Variants in PRRG1 observed in about 807,000 individuals in gnomAD.
PRRG1 encodes transmembrane gamma-carboxyglutamic acid protein 1.
A neutral mutation model predicts 11.8 loss-of-function variants in PRRG1; 5 were observed. That is an observed-to-expected ratio of 0.42 (90% confidence interval 0.22 to 0.89). The LOEUF (loss-of-function observed/expected upper bound fraction) is 0.89, where lower values mean the gene tolerates loss of function less well. Ranked by LOEUF, PRRG1 falls within the 40% of genes least tolerant of loss-of-function variation. The pLI is 0.28. For synonymous variants in PRRG1, 66 were observed against 60.4 expected (o/e 1.09, Z -0.43); for missense variants, 155 against 166.1 (o/e 0.93, Z 0.37).
chrX:37,398,590 G>T (rs1556379038), intron 1 of PRRG1, among the ~76,000 whole-genome samples: 2 of 112,506 alleles, frequency 1.8e-5, no homozygotes, highest in South Asian at 3.7e-4. Flanking sequence ...TCCTCCAAAG[G>T]AACGCAGTTC....
chrX:37,361,984 T>C (rs1279601729), intron 1 of PRRG1, among the ~76,000 whole-genome samples: 1 of 112,158 alleles, frequency 8.9e-6, no homozygotes, highest in African/African-American at 3.2e-5. Context: ...GTATTAGTAT[T>C]ACCTATGGGA....
At chrX:37,403,568 A>C (rs1358522291) in intron 1 of PRRG1, among the ~76,000 whole-genome samples, 1 of 107,357 alleles carries the variant, frequency 9.3e-6, no homozygotes, top group Non-Finnish European at 1.9e-5. Flanking sequence ...AGCATGGCAC[A>C]TGTATACATA....
intron 2 of PRRG1, among the ~76,000 whole-genome samples, chrX:37,408,504 G>A (rs782136409): frequency 2.7e-5 from 3 of 111,031 alleles, no homozygotes; most frequent in Non-Finnish European, 5.7e-5. Flanking sequence ...TGTGGGGGTG[G>A]CCATGTTGCC....
In PRRG1 at chrX:37,401,271, A is replaced by G. The variant is rs1931965988; in HGVS notation, c.-41-4938A>G. Among the ~76,000 whole-genome samples the G allele has an allele frequency of 3.6e-5, 4 of 111,145 alleles. No individual in the cohort carries two copies. The South Asian group carries it at 1.6e-3, about 43-fold the overall frequency. On this transcript the variant is annotated intron_variant, in intron 1 of 3. Transcript: ENST00000378628. ...GCAAACCAAATCCAGCAGCACATCA[A>G]AAAGCTTTTCCACCATGATCAAGTG... is the stretch of plus-strand genomic sequence containing the variant.
intron 1 of PRRG1, among the ~76,000 whole-genome samples, chrX:37,398,711 A>G (rs894730544): frequency 2.7e-5 from 3 of 112,043 alleles, no homozygotes; most frequent in Admixed American, 9.5e-5. Flanking sequence ...CAAACCAAAG[A>G]CAAAGAAGTT....
rs186866566 is a variant in PRRG1 at position 37,456,526 on chromosome X, C to T, written c.*2905C>T. 2 of 112,247 alleles carry T rather than the reference C, an allele frequency of 1.8e-5. No homozygotes were observed. The highest frequency in any genetic ancestry group is 6.5e-5 in the African/African-American group (2 of 30,927). The allele number at this position is 112,247 out of a possible 1,213,427, so 9.3% of individuals were successfully genotyped here. A position where few individuals can be genotyped will look rare whatever the true frequency, so the allele number is the denominator to read the frequency against. On this transcript the variant is annotated 3_prime_UTR_variant, in exon 4 of 4. Transcript: ENST00000378628. ...AGTAATAGCTCTATCAGCCACAGAT[C>T]TCATGGTGGCTGTTGCATGATAATG...
intron 2 of PRRG1, among the ~76,000 whole-genome samples, chrX:37,418,771 T>A (rs986719632): frequency 9.0e-6 from 1 of 111,500 alleles, no homozygotes. Context: ...AAGAGCCTTC[T>A]GACTCTCTTT....
Position 37,397,966 on chromosome X carries a change from G to A in PRRG1, c.-41-8243G>A, listed in dbSNP as rs182071715. 1.4e-3 allele frequency among the ~76,000 whole-genome samples: 108 copies of A among 79,873 alleles called. 2 individuals carry two copies. Among genetic ancestry groups the A allele is most frequent in the East Asian group, 0.011 (28 of 2,449 alleles). 69.4% of individuals were successfully genotyped at this position (79,873 alleles called of 115,157 possible). The stretch of plus-strand genomic sequence containing the variant: ...TAAATAAATACTGCTGCTTACAGAA[G>A]TATAAAAACTAACACACACACACAC... On this transcript the variant is annotated intron_variant, in intron 1 of 3. Transcript: ENST00000378628.
Position 37,425,921 on chromosome X carries a change from G to T in PRRG1, c.92G>T (p.Gly31Val). 8.3e-7 allele frequency: 1 copy of T among 1,206,271 alleles called. No homozygotes were observed. Among genetic ancestry groups the T allele is most frequent in the Non-Finnish European group, 1.1e-6 (1 of 892,430 alleles). Residue 31 changes from glycine (G) to valine (V), a missense_variant, in exon 3 of 4, where the codon GGC becomes GTC. By Grantham distance (109) the Gly-to-Val change is moderately radical (BLOSUM62 -3). Coordinates refer to ENST00000378628, the MANE Select transcript of PRRG1 (RefSeq NM_001142395.2). ...ANGFFEEIRQ[G>V]NIERECKEEF... ...GGGTTTTTTGAAGAAATAAGACAGG[G>T]CAACATTGAGCGTGAGTGCAAAGAA...
At chrX:37,355,596 A>G (rs781927431) in intron 1 of PRRG1, among the ~76,000 whole-genome samples, 97 of 111,444 alleles carry the variant, frequency 8.7e-4, no homozygotes, top group African/African-American at 2.9e-3. Context: ...ACAGTACTGG[A>G]GCAGGAGAGC....
At chrX:37,378,193 G>A (rs2146538349) in intron 1 of PRRG1, among the ~76,000 whole-genome samples, 1 of 111,892 alleles carries the variant, frequency 8.9e-6, no homozygotes, top group East Asian at 2.8e-4. Flanking sequence ...TTCTTCTGAG[G>A]ACCCAGTTGA....
At chrX:37,419,641 A>AT (rs1167664323) in intron 2 of PRRG1, among the ~76,000 whole-genome samples, 3 of 111,388 alleles carry the variant, frequency 2.7e-5, no homozygotes, top group African/African-American at 9.8e-5. Flanking sequence ...CACAGGACAC[A>AT]TTTGTCTTCT....
chrX:37,354,018 G>A (rs1349533618), intron 1 of PRRG1, among the ~76,000 whole-genome samples: 1 of 112,410 alleles, frequency 8.9e-6, no homozygotes, highest in Admixed American at 9.4e-5. Context: ...TGGATGTATT[G>A]ATATTTCCCA....
chrX:37,429,606 A>C (rs1423593894), intron 3 of PRRG1, among the ~76,000 whole-genome samples: 3 of 111,620 alleles, frequency 2.7e-5, no homozygotes, highest in Admixed American at 1.9e-4. Flanking sequence ...CCATTCAGCA[A>C]GTCTCTAGGA....
At chrX:37,377,836 C>T (rs1297649332) in intron 1 of PRRG1, among the ~76,000 whole-genome samples, 4 of 111,623 alleles carry the variant, frequency 3.6e-5, no homozygotes, top group Non-Finnish European at 5.7e-5. Context: ...CAGTAATGTA[C>T]GCAGACTGGG....
intron 1 of PRRG1, among the ~76,000 whole-genome samples, chrX:37,405,658 T>G (rs1309110190): frequency 9.0e-6 from 1 of 111,525 alleles, no homozygotes; most frequent in African/African-American, 3.3e-5. Flanking sequence ...GTCAGTAGTT[T>G]ATGATCATTG....
At chrX:37,398,536 CAG>C (rs1421286133) in intron 1 of PRRG1, among the ~76,000 whole-genome samples, 11 of 111,766 alleles carry the variant, frequency 9.8e-5, no homozygotes, top group African/African-American at 3.3e-4. Context: ...GGGGAAAAAA[CAG>C]AGCAGAAAAA....
intron 2 of PRRG1, among the ~76,000 whole-genome samples, chrX:37,421,035 CT>C (rs1204181061): frequency 5.4e-5 from 6 of 111,878 alleles, no homozygotes; most frequent in Non-Finnish European, 9.4e-5. Context: ...TTTGTTACCT[CT>C]TGCACTGAAG....
intron 1 of PRRG1, among the ~76,000 whole-genome samples, chrX:37,380,240 G>T (rs1188964019): frequency 9.0e-6 from 1 of 111,530 alleles, no homozygotes; most frequent in Admixed American, 9.5e-5. Flanking sequence ...CCAGAACTCC[G>T]AGAGCCTGTC....
Sources: allele counts gnomAD v4.1 joint callset (sites outside exome capture counted in the v4.1 genomes callset), GRCh38; gene constraint gnomAD v4.1.1; transcripts MANE v1.5; gene names NCBI Gene and HGNC (gene_info 2026-07-23, HGNC 2026-07-21).